Variants in MBD5 observed in about 807,000 individuals in gnomAD.
MBD5 encodes methyl-CpG binding domain protein 5, also known as methyl-CpG-binding domain protein 5.
A neutral mutation model predicts 117.3 loss-of-function variants in MBD5; 13 were observed. The observed-to-expected ratio is 0.11, with a 90% confidence interval of 0.07 to 0.18. MBD5 has a LOEUF of 0.18. Among genes scored for constraint, MBD5 ranks in the 10% least tolerant of loss-of-function variants. The pLI is 1.00. For synonymous variants in MBD5, 727 were observed against 766.4 expected, an observed-to-expected ratio of 0.95 and a Z score of 0.85; for missense variants, 1,879 against 2,093.8, an observed-to-expected ratio of 0.90 and a Z score of 2.00.
chr2:148,202,111 G>A (rs1036224470), intron 2 of MBD5, among the ~76,000 whole-genome samples: 9 of 152,212 alleles, frequency 5.9e-5, no homozygotes, highest in African/African-American at 2.2e-4. Context: ...ATCACTAGGA[G>A]CTGGCATAAA....
chr2:148,285,962 A>G (rs978905839), intron 3 of MBD5, among the ~76,000 whole-genome samples: 1 of 152,102 alleles, frequency 6.6e-6, no homozygotes, highest in South Asian at 2.1e-4. Flanking sequence ...TATTCTTCAG[A>G]ATAGTGTATA....
At position 148,035,343 on chromosome 2, in the gene MBD5, CTG is replaced by C. The variant is rs374882992; in HGVS notation, c.-925+13661_-925+13662del. 2.6e-4 allele frequency among the ~76,000 whole-genome samples: 40 copies of C among 152,202 alleles called. No individual in the cohort carries two copies. In the East Asian group the frequency reaches 7.2e-3, roughly 27 times the overall value. On this transcript the variant is annotated intron_variant, in intron 1 of 13. Coordinates refer to ENST00000642680, the MANE Select transcript of MBD5 (RefSeq NM_001378120.1). ...TTACTATTAATAACTGTTCTATAAT[CTG>C]TATGTTATGCGTTAAAAATTTTTTC... is the stretch of plus-strand genomic sequence containing the variant.
chr2:148,317,961 GT>G (rs1702193064), intron 3 of MBD5, among the ~76,000 whole-genome samples: 4 of 152,258 alleles, frequency 2.6e-5, no homozygotes, highest in African/African-American at 9.6e-5. Flanking sequence ...TTCCCATTGG[GT>G]ATATACTCAG....
At chr2:148,234,092 A>G (rs1251179767) in intron 3 of MBD5, among the ~76,000 whole-genome samples, 1 of 152,146 alleles carries the variant, frequency 6.6e-6, no homozygotes, top group African/African-American at 2.4e-5. Flanking sequence ...TTGACCATAT[A>G]TATTTTTAAG....
At chr2:148,305,686 T>C (rs188168724) in intron 3 of MBD5, among the ~76,000 whole-genome samples, 2 of 152,310 alleles carry the variant, frequency 1.3e-5, no homozygotes, top group East Asian at 3.9e-4. Flanking sequence ...CATGTCAAGT[T>C]GTCCAGCCTC....
At chr2:148,417,083 C>T (rs560789543) in intron 4 of MBD5, among the ~76,000 whole-genome samples, 1 of 152,090 alleles carries the variant, frequency 6.6e-6, no homozygotes, top group Admixed American at 6.5e-5. Flanking sequence ...ATTGTAAATT[C>T]TTCTTCTGTA....
intron 1 of MBD5, among the ~76,000 whole-genome samples, chr2:148,092,679 G>C (rs771899106): frequency 6.6e-6 from 1 of 152,046 alleles, no homozygotes; most frequent in Non-Finnish European, 1.5e-5. Flanking sequence ...GGGTTGGGGG[G>C]TGAGGGATAA....
chr2:148,356,514 C>T (rs1384430934), intron 4 of MBD5, among the ~76,000 whole-genome samples: 1 of 152,108 alleles, frequency 6.6e-6, no homozygotes, highest in Non-Finnish European at 1.5e-5. Context: ...TTACTTTCCC[C>T]ATCATTACTG....
At chr2:148,311,682 C>T (rs1702036053) in intron 3 of MBD5, among the ~76,000 whole-genome samples, 1 of 152,108 alleles carries the variant, frequency 6.6e-6, no homozygotes, top group Non-Finnish European at 1.5e-5. Context: ...TGAATTTGAT[C>T]CTGTCATTAT....
chr2:148,454,748 A>C (rs1303244340), intron 4 of MBD5, among the ~76,000 whole-genome samples: 1 of 152,190 alleles, frequency 6.6e-6, no homozygotes, highest in Non-Finnish European at 1.5e-5. Context: ...CAAAATGTTT[A>C]CATTGTAAAA....
At chr2:148,284,415 C>G (rs1701324352) in intron 3 of MBD5, among the ~76,000 whole-genome samples, 1 of 152,132 alleles carries the variant, frequency 6.6e-6, no homozygotes, top group Non-Finnish European at 1.5e-5. Flanking sequence ...TTGTTTCAAT[C>G]ACCTCAAAAC....
intron 4 of MBD5, among the ~76,000 whole-genome samples, chr2:148,352,364 T>C (rs142159522): frequency 3.2e-4 from 49 of 152,160 alleles, no homozygotes; most frequent in African/African-American, 1.0e-3. Flanking sequence ...TACAGACATA[T>C]GGTGTACTCT....
intron 1 of MBD5, among the ~76,000 whole-genome samples, chr2:148,128,721 A>G (rs985587070): frequency 6.6e-6 from 1 of 152,228 alleles, no homozygotes; most frequent in African/African-American, 2.4e-5. Flanking sequence ...GAATGCATGT[A>G]TGCATGTGTG....
intron 3 of MBD5, among the ~76,000 whole-genome samples, chr2:148,331,097 T>C (rs950721954): frequency 1.3e-5 from 2 of 152,218 alleles, no homozygotes; most frequent in Non-Finnish European, 2.9e-5. Flanking sequence ...CTAGCTTCCA[T>C]GGCAGATACT....
intron 1 of MBD5, among the ~76,000 whole-genome samples, chr2:148,160,137 C>T (rs577685003): frequency 3.3e-5 from 5 of 152,302 alleles, no homozygotes; most frequent in East Asian, 3.9e-4. Flanking sequence ...CGGTGGCTCA[C>T]GCCTGTAATC....
chr2:148,422,465 C>T lies in MBD5; in HGVS notation c.-556-35738C>T, dbSNP rs184345737. Among the ~76,000 whole-genome samples, 6 of 152,238 alleles carry T rather than the reference C, an allele frequency of 3.9e-5. No individual in the cohort carries two copies. The East Asian group carries it at 1.2e-3, about 29-fold the overall frequency. On this transcript the variant is annotated intron_variant, in intron 4 of 13. Coordinates refer to ENST00000642680, the MANE Select transcript of MBD5 (RefSeq NM_001378120.1). Reference sequence around the variant, plus strand: ...CAAAGACCAAAGGTAGATAAATCCACGAAGATAGGGAGAAACCAGCGCAAA... The same window carrying T: ...CAAAGACCAAAGGTAGATAAATCCATGAAGATAGGGAGAAACCAGCGCAAA...
chr2:148,363,730 G>A lies in MBD5; in HGVS notation c.-557+21394G>A, dbSNP rs193227290. Among the ~76,000 whole-genome samples the A allele has an allele frequency of 2.9e-3, 438 of 151,872 alleles. 5 individuals are homozygous for A. Among genetic ancestry groups the A allele is most frequent in the African/African-American group, 9.9e-3 (410 of 41,430 alleles). On this transcript the variant is annotated intron_variant, in intron 4 of 13. Coordinates refer to ENST00000642680, the MANE Select transcript of MBD5 (RefSeq NM_001378120.1). ...GTATCAATAGCTGAATCAATCAAGC[G>A]GAAAAAAGGATATCAGAGATTGAAG... is the stretch of plus-strand genomic sequence containing the variant.
chr2:148,132,448 T>C (rs551213491), intron 1 of MBD5, among the ~76,000 whole-genome samples: 1 of 151,634 alleles, frequency 6.6e-6, no homozygotes, highest in South Asian at 2.1e-4. Context: ...GAATGAATCT[T>C]AAGTGAAGTA....
rs184070448 is a variant in MBD5, at chr2:148,292,512, A to G, written c.-679-49702A>G. On this transcript the variant is annotated intron_variant, in intron 3 of 13. Transcript: ENST00000642680. ...ATCAGAAATGCAAATCGAGACTACAATGAGATATCCTCTCACCCCAATTAA... is the reference window on the plus strand; with the variant it reads ...ATCAGAAATGCAAATCGAGACTACAGTGAGATATCCTCTCACCCCAATTAA... Among the ~76,000 whole-genome samples the G allele has an allele frequency of 1.6e-4, 25 of 152,328 alleles. No individual in the cohort carries two copies. The East Asian group carries it at 4.6e-3, about 28-fold the overall frequency.
Sources: allele counts gnomAD v4.1 joint callset (sites outside exome capture counted in the v4.1 genomes callset), GRCh38; gene constraint gnomAD v4.1.1; transcripts MANE v1.5; gene names NCBI Gene and HGNC (gene_info 2026-07-23, HGNC 2026-07-21).